The following PLRG1 variants were observed in gnomAD, a reference collection of about 807,000 sequenced individuals.
PLRG1 encodes the protein pleiotropic regulator 1 (PRL1 homolog, Arabidopsis).
A neutral mutation model predicts 74.9 loss-of-function variants in PLRG1; 28 were observed. The observed-to-expected ratio is 0.37, with a 90% CI of 0.28 to 0.51. PLRG1 has a LOEUF of 0.51. Among genes scored for constraint, PLRG1 ranks in the 20% least tolerant of loss-of-function variants. The pLI is 0.91. For synonymous variants in PLRG1, 197 were observed against 212.4 expected (o/e 0.93, Z 0.63); for missense variants, 445 against 631.9 (o/e 0.70, Z 3.17).
intron 11 of PLRG1, 89 bp downstream of exon 11, chr4:154,539,862 C>G: frequency 1.3e-6 from 1 of 769,736 alleles, no homozygotes; most frequent in Non-Finnish European, 2.4e-6. Context: ...CAATACAGAG[C>G]AAGAGTCATC....
intron 14 of PLRG1, among the ~76,000 whole-genome samples, chr4:154,537,026 T>C (rs1440645927): frequency 1.3e-5 from 2 of 152,098 alleles, no homozygotes; most frequent in Non-Finnish European, 2.9e-5. Flanking sequence ...TTAATTTACA[T>C]AGCAATCTAT....
chr4:154,538,526 G>C, intron 12 of PLRG1, among the ~76,000 whole-genome samples: 1 of 151,738 alleles, frequency 6.6e-6, no homozygotes, highest in East Asian at 1.9e-4. Flanking sequence ...AGGCGAAATG[G>C]GAGTGAGAAA....
rs1326570275 is a variant in PLRG1 at position 154,544,534 on chromosome 4, T to C, written c.505A>G (p.Thr169Ala). ...PTAMNSIVME[T>A]GNTKNSALMA... ...AGTGCAGAGTTCTTGGTATTGCCAGTCTCCATGACAATCTAGACATAGAAG... is the reference window on the plus strand; with the variant it reads ...AGTGCAGAGTTCTTGGTATTGCCAGCCTCCATGACAATCTAGACATAGAAG... Residue 169 changes from threonine (T) to alanine (A), a missense_variant, in exon 7 of 15, where the codon ACT becomes GCT. Physicochemically the swap from Thr to Ala is moderately conservative, Grantham distance 58 (BLOSUM62 0). This residue lies in a region of PLRG1 where 206 missense variants were observed against 210.8 expected (regional missense o/e 0.98). Transcript: ENST00000499023. 8.1e-6 allele frequency: 13 copies of C among 1,599,102 alleles called. No individual in the cohort carries two copies. Among genetic ancestry groups the C allele is most frequent in the Admixed American group, 1.7e-5 (1 of 59,936 alleles).
intron 11 of PLRG1, 62 bp from the exon 12 acceptor site, chr4:154,539,275 A>G (rs1729510649): frequency 2.1e-6 from 2 of 964,746 alleles, no homozygotes; most frequent in Non-Finnish European, 1.7e-6. Context: ...CAAAAGTTAA[A>G]TAAAATACAA....
Position 154,540,660 on chromosome 4 carries a change from C to T in PLRG1, c.873G>A (p.Val291=), listed in dbSNP as rs760711660. ...TTGTCGGGTGCAAATCCAAACCATA[C>T]ACTGCACTTAAATGTCCATGATAAT... The part of the protein sequence containing the change: ...IRHYHGHLSA[V]YGLDLHPTID... The change falls in exon 10 of 15, where the codon GTG becomes GTA. Residue 291 remains valine, a synonymous_variant. Coordinates refer to ENST00000499023, the MANE Select transcript of PLRG1 (RefSeq NM_002669.4). 15 of 1,613,612 alleles carry T rather than the reference C, an allele frequency of 9.3e-6. No individual in the cohort carries two copies. In the South Asian group the frequency reaches 1.6e-4, roughly 18 times the overall value.
intron 12 of PLRG1, 111 bp downstream of exon 12, chr4:154,538,994 G>A: frequency 1.4e-6 from 1 of 722,002 alleles, no homozygotes; most frequent in Non-Finnish European, 2.5e-6. Flanking sequence ...CACAGGCCTA[G>A]AAATGACAGC....
Position 154,540,603 on chromosome 4 carries a change from T to C in PLRG1, c.930A>G (p.Ser310=). The C allele has an allele frequency of 6.2e-7, 1 of 1,606,870 alleles. No individual in the cohort carries two copies. Residue 310 remains serine (S), a synonymous_variant, in exon 10 of 15, where the codon TCA becomes TCG. Coordinates refer to ENST00000499023, the MANE Select transcript of PLRG1 (RefSeq NM_002669.4). ...ACTCTATCCCATTTACCCGTGCAGT[T>C]GAATCTCGACTACAGGTTACCAACA... The part of the protein sequence containing the change: ...IDVLVTCSRD[S]TARIWDVRTK...
chr4:154,547,019 G>A lies in PLRG1; in HGVS notation c.305C>T (p.Pro102Leu). Residue 102 changes from proline to leucine, a missense_variant, in exon 4 of 15, where the codon CCA becomes CTA. Transcript: ENST00000499023. ...TATAACAGCTCACTAACCAGGTCCT[G>A]GTGGGTATGGATGTGTACCTGCCAC... ...YFVAGTHPYP[P>L]GPGVALTADT... 6.2e-7 allele frequency: 1 copy of A among 1,609,262 alleles called. No individual in the cohort carries two copies. Among genetic ancestry groups the A allele is most frequent in the South Asian group, 1.1e-5 (1 of 90,962 alleles).
intron 7 of PLRG1, among the ~76,000 whole-genome samples, chr4:154,542,935 G>A (rs1729580397): frequency 6.6e-6 from 1 of 152,154 alleles, no homozygotes; most frequent in South Asian, 2.1e-4. Context: ...ATAGATAAAG[G>A]GAGTAAGATT....
chr4:154,549,838 G>A, intron 1 of PLRG1: 1 of 451,990 alleles, frequency 2.2e-6, no homozygotes, highest in Non-Finnish European at 4.5e-6. Context: ...GACAAGACCA[G>A]CTAACAGCGT....
At chr4:154,539,346 G>A in intron 11 of PLRG1, 133 bp from the exon 12 acceptor site, 1 of 602,008 alleles carries the variant, frequency 1.7e-6, no homozygotes, top group Non-Finnish European at 2.9e-6. Context: ...AATTAGTCTT[G>A]GCTAATTTCT....
chr4:154,546,965 T>C (rs1413516433), intron 4 of PLRG1, 46 bp downstream of exon 4: 5 of 1,349,004 alleles, frequency 3.7e-6, no homozygotes, highest in Admixed American at 1.7e-5. Context: ...AGTGAAAATA[T>C]ATGTGACATT....
chr4:154,548,949 A>C lies in PLRG1; in HGVS notation c.10-14T>G. 7.3e-7 allele frequency: 1 copy of C among 1,367,278 alleles called. No homozygotes were observed. Among genetic ancestry groups the C allele is most frequent in the Non-Finnish European group, 1.0e-6 (1 of 955,570 alleles). 84.7% of individuals were successfully genotyped at this position (1,367,278 alleles called of 1,614,324 possible). ...TTTCTGTACCTCCTAAAAAAAAAGAATGTAATTACACACCTATCTACAAAT... is the reference window on the plus strand; with the variant it reads ...TTTCTGTACCTCCTAAAAAAAAAGACTGTAATTACACACCTATCTACAAAT... On this transcript the variant is annotated splice_polypyrimidine_tract_variant and intron_variant, in intron 1 of 14. Transcript: ENST00000499023.
At chr4:154,546,623 T>G (rs998679504) in intron 4 of PLRG1, 6 of 305,324 alleles carry the variant, frequency 2.0e-5, no homozygotes, top group African/African-American at 1.1e-4. Context: ...CTCTACCCTG[T>G]TACACTGGCC....
At chr4:154,537,736 C>G (rs1437705654) in intron 13 of PLRG1, among the ~76,000 whole-genome samples, 2 of 151,998 alleles carry the variant, frequency 1.3e-5, no homozygotes, top group Non-Finnish European at 2.9e-5. Flanking sequence ...CAATTCCCAG[C>G]ATAAATCCCT....
intron 4 of PLRG1, 170 bp downstream of exon 4, chr4:154,546,841 G>T: frequency 1.7e-6 from 1 of 599,844 alleles, no homozygotes; most frequent in East Asian, 2.8e-5. Context: ...AAGAATGTTT[G>T]CTGAATGAAG....
intron 2 of PLRG1, among the ~76,000 whole-genome samples, chr4:154,548,074 C>T (rs1209110868): frequency 6.6e-6 from 1 of 152,066 alleles, no homozygotes; most frequent in African/African-American, 2.4e-5. Context: ...TAGTTTGTTA[C>T]CTAATAAATA....
intron 4 of PLRG1, 148 bp from the exon 5 acceptor site, chr4:154,546,361 CTTTGTT>C (rs796949887): frequency 4.9e-6 from 3 of 608,234 alleles, no homozygotes; most frequent in African/African-American, 3.7e-5. Flanking sequence ...TTTTGCTCAT[CTTTGTT>C]TTTAATTTCT....
rs550907709 is a variant in PLRG1 at position 154,536,061 on chromosome 4, G to A, written c.*624C>T. 3 of 152,152 alleles carry A rather than the reference G, an allele frequency of 2.0e-5. No individual in the cohort carries two copies. Among genetic ancestry groups the A allele is most frequent in the Non-Finnish European group, 4.4e-5 (3 of 68,128 alleles). The allele number at this position is 152,152 out of a possible 1,614,324, so 9.4% of individuals were successfully genotyped here. A position where few individuals can be genotyped will look rare whatever the true frequency, so the allele number is the denominator to read the frequency against. ...TATGAAGTCTTCCACAATCCTTCCT[G>A]AGAAAAATAAATGGTCTTATCCCTT... On this transcript the variant is annotated 3_prime_UTR_variant, in exon 15 of 15. Transcript: ENST00000499023.
Sources: allele counts gnomAD v4.1 joint callset (sites outside exome capture counted in the v4.1 genomes callset), GRCh38; gene constraint gnomAD v4.1.1; regional missense constraint gnomAD v4.1.1; transcripts MANE v1.5; gene names NCBI Gene and HGNC (gene_info 2026-07-23, HGNC 2026-07-21).